MAN1A1: variants seen among roughly 807,000 people sequenced by gnomAD.
MAN1A1 encodes the protein mannosyl-oligosaccharide 1,2-alpha-mannosidase IA.
MAN1A1 carries 29 observed loss-of-function variants against 70.8 expected under a neutral mutation model. The observed-to-expected ratio is 0.41, with a 90% CI of 0.31 to 0.56. The LOEUF (loss-of-function observed/expected upper bound fraction) is 0.56, where lower values mean the gene tolerates loss of function less well. MAN1A1 is among the 20% of genes least tolerant of loss of function. MAN1A1 has a pLI of 0.29. For synonymous variants in MAN1A1, 349 were observed against 330.1 expected (o/e 1.06, Z -0.62); for missense variants, 747 against 841.3 (o/e 0.89, Z 1.39).
chr6:119,337,089 C>G (rs195080), intron 2 of MAN1A1, among the ~76,000 whole-genome samples: 2 of 151,940 alleles, frequency 1.3e-5, no homozygotes, highest in African/African-American at 4.8e-5. Context: ...GGTCAAAAGA[C>G]TTTTTTTTGT....
At chr6:119,303,332 C>T (rs2114443939) in intron 3 of MAN1A1, among the ~76,000 whole-genome samples, 1 of 152,244 alleles carries the variant, frequency 6.6e-6, no homozygotes, top group South Asian at 2.1e-4. Context: ...AAACTTAGAA[C>T]AAACAAGTCA....
Position 119,302,040 on chromosome 6 carries a change from T to C in MAN1A1, c.764A>G (p.His255Arg). ...CCATGATTTTGCTTCTTCAAATTCA[T>C]GTTTCATTTCCATAATAAAAAGTGT... The part of the protein sequence containing the change: ...LDTLFIMEMK[H>R]EFEEAKSWVE... The change falls in exon 4 of 13, where the codon CAT (histidine) becomes CGT (arginine). Residue 255 changes from histidine (H) to arginine (R), a missense_variant. His to Arg is a conservative substitution (Grantham distance 29). This residue lies in a region of MAN1A1 where 419 missense variants were observed against 548.2 expected (regional missense o/e 0.76). Transcript: ENST00000368468. 2 of 1,610,798 alleles carry C rather than the reference T, an allele frequency of 1.2e-6. No individual in the cohort carries two copies. The highest frequency in any genetic ancestry group is 1.1e-5 in the South Asian group (1 of 90,932).
chr6:119,320,163 G>T (rs545223611), intron 2 of MAN1A1, among the ~76,000 whole-genome samples: 1 of 152,080 alleles, frequency 6.6e-6, no homozygotes, highest in Admixed American at 6.5e-5. Context: ...TAGTACAGAC[G>T]AGGTTTCACT....
intron 6 of MAN1A1, among the ~76,000 whole-genome samples, chr6:119,216,620 C>A (rs1376050847): frequency 6.6e-6 from 1 of 152,134 alleles, no homozygotes; most frequent in African/African-American, 2.4e-5. Flanking sequence ...CAAATTCATG[C>A]ATTTTAATTT....
intron 2 of MAN1A1, among the ~76,000 whole-genome samples, chr6:119,325,571 C>T (rs767500918): frequency 5.9e-5 from 9 of 152,048 alleles, no homozygotes; most frequent in South Asian, 4.2e-4. Context: ...GCAGGAGAAT[C>T]GCTTGAACCC....
At chr6:119,249,604 G>A (rs1324554) in intron 5 of MAN1A1, among the ~76,000 whole-genome samples, 46,978 of 151,886 alleles carry the variant, frequency 0.31, 7,612 homozygotes, top group East Asian at 0.56. Context: ...TTCTCTGTCA[G>A]CCACTGGGGA....
At chr6:119,193,916 TTA>T in intron 8 of MAN1A1, 24 bp from the exon 9 acceptor site, 1 of 1,467,492 alleles carries the variant, frequency 6.8e-7, no homozygotes, top group Non-Finnish European at 9.5e-7. Flanking sequence ...GAAATGAATT[TTA>T]GAGTGATTCA....
chr6:119,308,761 T>G (rs1772600934), intron 2 of MAN1A1, among the ~76,000 whole-genome samples: 1 of 152,212 alleles, frequency 6.6e-6, no homozygotes, highest in African/African-American at 2.4e-5. Context: ...GTTTTTCCAT[T>G]AAATGTACTA....
At chr6:119,180,847 A>C (rs1773134354) in intron 11 of MAN1A1, among the ~76,000 whole-genome samples, 1 of 152,164 alleles carries the variant, frequency 6.6e-6, no homozygotes, top group South Asian at 2.1e-4. Context: ...ATTCAAATTA[A>C]ATGAAAGTTT....
upstream of MAN1A1, among the ~76,000 whole-genome samples, chr6:119,350,172 G>A (rs1233837702): frequency 6.6e-6 from 1 of 152,170 alleles, no homozygotes; most frequent in East Asian, 1.9e-4. Flanking sequence ...TCCGACCCGT[G>A]CGGGGCGGTC....
At chr6:119,276,608 C>T (rs1324041780) in intron 5 of MAN1A1, among the ~76,000 whole-genome samples, 6 of 152,154 alleles carry the variant, frequency 3.9e-5, no homozygotes, top group Non-Finnish European at 8.8e-5. Context: ...AGTTATTTGC[C>T]TTAATAGCTA....
chr6:119,332,545 G>A (rs140789625), intron 2 of MAN1A1, among the ~76,000 whole-genome samples: 17,454 of 152,212 alleles, frequency 0.11, 1,093 homozygotes, highest in Non-Finnish European at 0.14. Flanking sequence ...GGCCGGGCAC[G>A]GTGGCTCACG....
chr6:119,275,140 T>A (rs577529388), intron 5 of MAN1A1, among the ~76,000 whole-genome samples: 10 of 151,982 alleles, frequency 6.6e-5, no homozygotes, highest in African/African-American at 2.4e-4. Flanking sequence ...AGACAGAGTC[T>A]CACCCTGTTG....
In MAN1A1 at chr6:119,277,188, C is replaced by G. The variant is rs150516539; in HGVS notation, c.897+13495G>C. Among the ~76,000 whole-genome samples, 598 of 152,226 alleles carry G rather than the reference C, an allele frequency of 3.9e-3. 3 individuals carry two copies. The highest frequency in any genetic ancestry group is 6.8e-3 in the Middle Eastern group (2 of 294). On this transcript the variant is annotated intron_variant, in intron 5 of 12. Transcript: ENST00000368468. ...TTACAAGACTGGAGCTGTTTGCTTT[C>G]AAATGCAAACAAATTGTGGCATACT...
intron 5 of MAN1A1, among the ~76,000 whole-genome samples, chr6:119,288,343 T>C (rs1298076411): frequency 1.3e-5 from 2 of 151,968 alleles, no homozygotes; most frequent in Non-Finnish European, 2.9e-5. Flanking sequence ...CAAATTGTCC[T>C]AGACACCTTA....
At chr6:119,236,897 TA>T (rs35611987) in intron 6 of MAN1A1, among the ~76,000 whole-genome samples, 58 of 150,414 alleles carry the variant, frequency 3.9e-4, no homozygotes, top group African/African-American at 1.1e-3. Flanking sequence ...TGGGAGGAAG[TA>T]AAAAAAAAAT....
chr6:119,288,832 A>G (rs1421398534), intron 5 of MAN1A1, among the ~76,000 whole-genome samples: 1 of 151,874 alleles, frequency 6.6e-6, no homozygotes, highest in East Asian at 1.9e-4. Flanking sequence ...AAAAGAAAAA[A>G]TCTTAAATTT....
rs190009231 is a variant in MAN1A1 at position 119,349,733 on chromosome 6, G to C, written c.-414C>G. 3.0e-6 allele frequency: 3 copies of C among 985,526 alleles called. No homozygotes were observed. Among genetic ancestry groups the C allele is most frequent in the African/African-American group, 1.7e-5 (1 of 57,250 alleles). The allele number at this position is 985,526 out of a possible 1,614,324, so 61.0% of individuals were successfully genotyped here. A position where few individuals can be genotyped will look rare whatever the true frequency, so the allele number is the denominator to read the frequency against. On this transcript the variant is annotated 5_prime_UTR_variant, in exon 1 of 13. Transcript: ENST00000368468. ...GAATGGCAGCGAGTAGAGCAGCACG[G>C]TACACTCCGCCGCGGCCCCGCGAGC...
chr6:119,255,957 CA>C (rs1177018720), intron 5 of MAN1A1, among the ~76,000 whole-genome samples: 2 of 152,120 alleles, frequency 1.3e-5, no homozygotes, highest in African/African-American at 4.8e-5. Flanking sequence ...CTGCTTTTGT[CA>C]ATTACTTTGT....
Sources: gnomAD v4.1 joint callset for allele counts (sites outside exome capture counted in the v4.1 genomes callset) on GRCh38, gnomAD v4.1.1 for gene constraint, gnomAD v4.1.1 regional missense constraint, MANE v1.5 for transcripts, NCBI Gene and HGNC (gene_info 2026-07-23, HGNC 2026-07-21) for gene names.